NSD2: variants seen among roughly 807,000 people sequenced by gnomAD.
NSD2 encodes histone-lysine N-methyltransferase NSD2.
A neutral mutation model predicts 139.0 loss-of-function variants in NSD2; 12 were observed. That is an observed-to-expected ratio of 0.09 (90% CI 0.06 to 0.14). The LOEUF is 0.14. Ranked by LOEUF, NSD2 falls within the 10% of genes least tolerant of loss-of-function variation. The pLI is 1.00. For missense variants in NSD2, 1,155 were observed against 1,745.0 expected (o/e 0.66, Z 6.02); for synonymous variants, 669 against 648.7 (o/e 1.03, Z -0.48).
intron 18 of NSD2, among the ~76,000 whole-genome samples, chr4:1,965,586 G>C (rs1364033488): frequency 6.6e-6 from 1 of 152,194 alleles, no homozygotes; most frequent in Non-Finnish European, 1.5e-5. Flanking sequence ...ACCGCAAGAG[G>C]AAAGCTACTC....
At chr4:1,920,343 A>G (rs1560648142) in intron 5 of NSD2, among the ~76,000 whole-genome samples, 1 of 152,086 alleles carries the variant, frequency 6.6e-6, no homozygotes, top group Admixed American at 6.6e-5. Flanking sequence ...CCAGCTACTC[A>G]GGAGGCTGAG....
chr4:1,939,947 C>T (rs890666027), intron 9 of NSD2, 169 bp downstream of exon 9: 1 of 1,475,022 alleles, frequency 6.8e-7, no homozygotes, highest in Non-Finnish European at 8.9e-7. Context: ...AATGGACAAA[C>T]AGTGCACTAT....
At chr4:1,913,064 A>G (rs1718885402) in intron 3 of NSD2, among the ~76,000 whole-genome samples, 1 of 152,218 alleles carries the variant, frequency 6.6e-6, no homozygotes, top group Non-Finnish European at 1.5e-5. Flanking sequence ...ATTACTCTTT[A>G]TTCAAATATT....
At chr4:1,906,074 C>A (rs544270) in intron 3 of NSD2, among the ~76,000 whole-genome samples, 1 of 152,128 alleles carries the variant, frequency 6.6e-6, no homozygotes, top group Non-Finnish European at 1.5e-5. Flanking sequence ...ACTCCCATGT[C>A]ATTTGTTTGT....
chr4:1,945,326 C>T, intron 9 of NSD2: 1 of 1,065,734 alleles, frequency 9.4e-7, no homozygotes, highest in Non-Finnish European at 1.1e-6. Flanking sequence ...TGTGTGAGAG[C>T]CATGCTGTCA....
chr4:1,907,466 C>T (rs1718071151), intron 3 of NSD2, among the ~76,000 whole-genome samples: 1 of 149,490 alleles, frequency 6.7e-6, no homozygotes, highest in Non-Finnish European at 1.5e-5. Flanking sequence ...TACTTGGATT[C>T]TAGCTTTTTT....
chr4:1,931,795 A>T (rs192671056), intron 6 of NSD2, among the ~76,000 whole-genome samples: 2 of 152,266 alleles, frequency 1.3e-5, no homozygotes, highest in East Asian at 3.9e-4. Context: ...AATAGCAAGG[A>T]TATTTAGGAC....
rs1726882571 is a variant in NSD2, at chr4:1,974,707, T to C, written c.3373-156T>C. 1 of 1,040,818 alleles carries C rather than the reference T, an allele frequency of 9.6e-7. No individual in the cohort carries two copies. Among genetic ancestry groups the C allele is most frequent in the East Asian group, 2.4e-5 (1 of 42,076 alleles). The allele number at this position is 1,040,818 out of a possible 1,614,324, so 64.5% of individuals were successfully genotyped here. On this transcript the variant is annotated intron_variant, in intron 18 of 21. Transcript: ENST00000508803. The surrounding 1 kb of genome is among the most constrained non-coding windows in gnomAD (Gnocchi z 4.0). ...CTGTGAGCAAGAGAAACAGGACTGG[T>C]TTGGGGGTGTCCTGTCTCAGTGGAC... is the stretch of plus-strand genomic sequence containing the variant.
chr4:1,933,192 C>T (rs1721880077), intron 6 of NSD2, among the ~76,000 whole-genome samples: 1 of 152,242 alleles, frequency 6.6e-6, no homozygotes, highest in African/African-American at 2.4e-5. Flanking sequence ...TCTTCTTGCG[C>T]ATTGGGCTCA....
Position 1,916,979 on chromosome 4 carries a change from T to A in NSD2, c.869T>A (p.Phe290Tyr). 6.2e-7 allele frequency: 1 copy of A among 1,614,076 alleles called. No individual in the cohort carries two copies. The highest frequency in any genetic ancestry group is 8.5e-7 in the Non-Finnish European group (1 of 1,179,984). The change falls in exon 4 of 22, where the codon TTT becomes TAT. Residue 290 changes from phenylalanine (F) to tyrosine (Y), a missense_variant. By Grantham distance (22) the Phe-to-Tyr change is conservative. Around this residue, in one of 8 missense-constraint regions of NSD2, gnomAD observed 420 missense variants for 469.0 expected, o/e 0.90. Transcript: ENST00000508803. ...SLVAFEGEGQ[F>Y]EKLCQESAKQ... is the part of the protein sequence containing the mutation. Reference sequence around the variant, plus strand: ...GTAGCTTTTGAAGGAGAAGGACAGTTTGAAAAATTATGCCAGGAAAGTGCC... The same window carrying A: ...GTAGCTTTTGAAGGAGAAGGACAGTATGAAAAATTATGCCAGGAAAGTGCC...
chr4:1,957,144 G>A (rs766062355), intron 15 of NSD2, among the ~76,000 whole-genome samples: 3 of 152,192 alleles, frequency 2.0e-5, no homozygotes, highest in Admixed American at 6.5e-5. Flanking sequence ...CACAGGACAC[G>A]TCTAGGGTTG....
chr4:1,913,258 T>C (rs1399557512), intron 3 of NSD2, among the ~76,000 whole-genome samples: 2 of 152,192 alleles, frequency 1.3e-5, no homozygotes, highest in Admixed American at 6.5e-5. Context: ...CACCTGTTAC[T>C]TAGCCGACCT....
rs537931913 is a variant in NSD2, at chr4:1,974,829, A to G, written c.3373-34A>G. On this transcript the variant is annotated intron_variant, in intron 18 of 21. Transcript: ENST00000508803. This position sits in a 1 kb window ranked among gnomAD's most constrained non-coding sequence, Gnocchi z 4.0. ...CCTTTAAAAATAACATGCGATTGCT[A>G]ACACTTGACCGAATATATCACTTGA... 56 of 1,611,970 alleles carry G rather than the reference A, an allele frequency of 3.5e-5. 1 individual carries two copies. The South Asian group carries it at 5.6e-4, about 16-fold the overall frequency.
intron 5 of NSD2, 61 bp from the exon 6 acceptor site, chr4:1,930,565 A>C (rs1721519103): frequency 6.6e-7 from 1 of 1,506,986 alleles, no homozygotes; most frequent in Non-Finnish European, 8.9e-7. Flanking sequence ...TTTCATGCAA[A>C]ACAAAACCCA....
Position 1,918,125 on chromosome 4 carries a change from CT to C in NSD2, c.928-6del, listed in dbSNP as rs551185425. On this transcript the variant is annotated splice_polypyrimidine_tract_variant and intron_variant, in intron 4 of 21. Coordinates refer to ENST00000508803, the MANE Select transcript of NSD2 (RefSeq NM_001042424.3). ...TTGTGTAGTGAAACTTACAGTGTCT[CT>C]TTTTTTTTTCCCAGCTATTGAAACC... is the stretch of plus-strand genomic sequence containing the variant. 616 of 1,456,740 alleles carry C rather than the reference CT, an allele frequency of 4.2e-4. No individual in the cohort carries two copies. Among genetic ancestry groups the C allele is most frequent in the Admixed American group, 1.8e-3 (92 of 51,556 alleles). 90.2% of individuals were successfully genotyped at this position (1,456,740 alleles called of 1,614,324 possible).
chr4:1,912,626 T>TA (rs953471294), intron 3 of NSD2, among the ~76,000 whole-genome samples: 30 of 150,968 alleles, frequency 2.0e-4, no homozygotes, highest in African/African-American at 5.1e-4. Context: ...TTTTTCTCCT[T>TA]AAAAAAAAAT....
intron 1 of NSD2, among the ~76,000 whole-genome samples, chr4:1,873,697 G>A (rs1714040567): frequency 6.6e-6 from 1 of 152,188 alleles, no homozygotes; most frequent in Admixed American, 6.5e-5. Flanking sequence ...ATGGCAGAAT[G>A]TGAACTTTTT....
At chr4:1,941,880 G>T in intron 9 of NSD2, 1 of 1,062,508 alleles carries the variant, frequency 9.4e-7, no homozygotes, top group Non-Finnish European at 1.1e-6. Flanking sequence ...AATGCTGAAT[G>T]CCTGTTAGCA....
rs139637100 is a variant in NSD2, at chr4:1,955,328, G to T, written c.2506G>T (p.Val836Leu). Residue 836 changes from valine to leucine, a missense_variant, in exon 13 of 22, where the codon GTG (valine) becomes TTG (leucine). This residue lies in a region of NSD2 where 120 missense variants were observed against 239.3 expected (regional missense o/e 0.50). Coordinates refer to ENST00000508803, the MANE Select transcript of NSD2 (RefSeq NM_001042424.3). This position sits in a 1 kb window ranked among gnomAD's most constrained non-coding sequence, Gnocchi z 4.7. ...HAHVNVSWCF[V>L]CSKGGSLLCC... ...CCACGTCAACGTGAGCTGGTGCTTCGTGTGCTCCAAAGGTGAGGGGCCTGG... is the reference window on the plus strand; with the variant it reads ...CCACGTCAACGTGAGCTGGTGCTTCTTGTGCTCCAAAGGTGAGGGGCCTGG... 4.3e-6 allele frequency: 7 copies of T among 1,612,632 alleles called. No homozygotes were observed. The African/African-American group carries it at 6.7e-5, about 15-fold the overall frequency.
Sources: allele counts gnomAD v4.1 joint callset (sites outside exome capture counted in the v4.1 genomes callset), GRCh38; gene constraint gnomAD v4.1.1; regional missense constraint gnomAD v4.1.1; non-coding constraint Gnocchi (gnomAD v3.1); transcripts MANE v1.5; gene names NCBI Gene and HGNC (gene_info 2026-07-23, HGNC 2026-07-21).